The following CR1L variants were observed in gnomAD, a reference collection of about 807,000 sequenced individuals.
CR1L encodes complement C3b/C4b receptor 1 like.
In CR1L, 59 loss-of-function variants were observed where a neutral mutation model predicts 62.3. That is an observed-to-expected ratio of 0.95 (90% CI 0.77 to 1.18). CR1L has a LOEUF of 1.18. Ranked by LOEUF, CR1L falls within the 50% of genes most tolerant of loss-of-function variation. CR1L has a pLI of 0.00. For missense variants in CR1L, 700 were observed against 702.8 expected (o/e 1.00, Z 0.04); for synonymous variants, 279 against 248.7 (o/e 1.12, Z -1.15).
intron 9 of CR1L, among the ~76,000 whole-genome samples, chr1:207,705,818 T>C (rs1664257373): frequency 6.6e-6 from 1 of 151,676 alleles, no homozygotes; most frequent in African/African-American, 2.4e-5. Flanking sequence ...TCAGGAGAAA[T>C]TTTACAAAAG....
At chr1:207,702,431 C>G (rs942119808) in intron 9 of CR1L, among the ~76,000 whole-genome samples, 4 of 152,124 alleles carry the variant, frequency 2.6e-5, no homozygotes, top group African/African-American at 9.7e-5. Context: ...TAAGTGTTGA[C>G]ATGAAGGGAG....
chr1:207,661,783 C>T (rs1663428483), intron 1 of CR1L, among the ~76,000 whole-genome samples: 1 of 151,638 alleles, frequency 6.6e-6, no homozygotes, highest in South Asian at 2.1e-4. Flanking sequence ...GTGGCTGGTA[C>T]CGATTGTTCC....
Position 207,695,610 on chromosome 1 carries a change from G to A in CR1L, c.862+859G>A, listed in dbSNP as rs1664066077. 1.3e-5 allele frequency among the ~76,000 whole-genome samples: 2 copies of A among 152,196 alleles called. 1 individual carries two copies. Among genetic ancestry groups the A allele is most frequent in the South Asian group, 4.1e-4 (2 of 4,828 alleles). ...ACTTTCAAGGAGGGAGGGATTTCAT[G>A]CAGGCTGTATTAGACTCTTCTCACA... is the stretch of plus-strand genomic sequence containing the variant. On this transcript the variant is annotated intron_variant, in intron 5 of 11. Coordinates refer to ENST00000508064, the MANE Select transcript of CR1L (RefSeq NM_175710.2).
At chr1:207,650,788 A>ATT (rs59483254) in intron 1 of CR1L, among the ~76,000 whole-genome samples, 1 of 146,680 alleles carries the variant, frequency 6.8e-6, no homozygotes, top group Non-Finnish European at 1.5e-5. Context: ...TGCAGTGTAG[A>ATT]TTTTTTTTTT....
At chr1:207,666,912 C>A (rs1663532939) in intron 1 of CR1L, among the ~76,000 whole-genome samples, 1 of 152,166 alleles carries the variant, frequency 6.6e-6, no homozygotes, top group African/African-American at 2.4e-5. Context: ...ATCTTCCTTT[C>A]ATTAATTTTA....
At chr1:207,686,129 T>TTA (rs1663903128) in intron 4 of CR1L, among the ~76,000 whole-genome samples, 4 of 45,650 alleles carry the variant, frequency 8.8e-5, no homozygotes, top group Non-Finnish European at 4.2e-5. Flanking sequence ...CCTCCCTTCC[T>TTA]CCCTCCCTTC....
intron 1 of CR1L, among the ~76,000 whole-genome samples, chr1:207,660,252 T>G (rs1222379384): frequency 6.6e-6 from 1 of 152,216 alleles, no homozygotes; most frequent in African/African-American, 2.4e-5. Flanking sequence ...ATAGCCTAAC[T>G]GGGAGACACC....
At chr1:207,672,272 T>C (rs1182832338) in intron 1 of CR1L, among the ~76,000 whole-genome samples, 1 of 150,174 alleles carries the variant, frequency 6.7e-6, no homozygotes, top group Non-Finnish European at 1.5e-5. Context: ...CGAAGGAAAA[T>C]TATTAGGAAT....
chr1:207,656,258 T>G (rs750806220), intron 1 of CR1L, among the ~76,000 whole-genome samples: 6 of 151,888 alleles, frequency 4.0e-5, no homozygotes, highest in Non-Finnish European at 7.4e-5. Context: ...AATCAATCAA[T>G]CAATCAATCA....
intron 1 of CR1L, among the ~76,000 whole-genome samples, chr1:207,665,685 G>A (rs1360672682): frequency 2.0e-5 from 3 of 152,214 alleles, no homozygotes; most frequent in Non-Finnish European, 4.4e-5. Flanking sequence ...GAGCCACCAT[G>A]CCTGGCAAAG....
intron 10 of CR1L, chr1:207,710,466 T>C: frequency 6.2e-7 from 1 of 1,603,066 alleles, no homozygotes; most frequent in South Asian, 1.1e-5. Context: ...GGATCAGTGG[T>C]GACCTACCAC....
At chr1:207,714,232 A>T (rs1213163412) in intron 10 of CR1L, among the ~76,000 whole-genome samples, 1 of 152,240 alleles carries the variant, frequency 6.6e-6, no homozygotes, top group African/African-American at 2.4e-5. Context: ...TTATGGACTC[A>T]GAATTGGAAG....
At chr1:207,678,324 T>C in intron 3 of CR1L, 27 bp downstream of exon 3, 1 of 1,572,238 alleles carries the variant, frequency 6.4e-7, no homozygotes, top group Non-Finnish European at 8.8e-7. Context: ...TGAACCAACA[T>C]CTCTTGGTTC....
chr1:207,647,846 A>G (rs1032006511), intron 1 of CR1L, among the ~76,000 whole-genome samples: 30 of 152,196 alleles, frequency 2.0e-4, no homozygotes, highest in Admixed American at 1.2e-3. Flanking sequence ...TAAAACGTTC[A>G]TTTTGAAGGA....
intron 1 of CR1L, among the ~76,000 whole-genome samples, chr1:207,661,281 G>A (rs1663416541): frequency 1.3e-5 from 2 of 152,192 alleles, no homozygotes; most frequent in Admixed American, 6.5e-5. Flanking sequence ...GGGAGTCTAA[G>A]TCTCTTTGTA....
intron 5 of CR1L, among the ~76,000 whole-genome samples, chr1:207,695,115 T>G (rs1571524957): frequency 6.6e-6 from 1 of 152,092 alleles, no homozygotes; most frequent in Non-Finnish European, 1.5e-5. Flanking sequence ...GTTACCAGTT[T>G]TTCTAGGTTT....
intron 1 of CR1L, chr1:207,652,803 A>G (rs2102440035): frequency 1.6e-6 from 1 of 635,370 alleles, no homozygotes; most frequent in Non-Finnish European, 2.8e-6. Flanking sequence ...TTTAGGGTAC[A>G]TATTCCACTA....
At chr1:207,701,462 G>T (rs562435792) in intron 8 of CR1L, 57 bp from the exon 9 acceptor site, 43 of 1,599,786 alleles carry the variant, frequency 2.7e-5, no homozygotes, top group African/African-American at 4.0e-5. Flanking sequence ...GAGACCTTAC[G>T]TACTGAAGAG....
At chr1:207,710,710 G>A in intron 10 of CR1L, 1 of 1,610,014 alleles carries the variant, frequency 6.2e-7, no homozygotes, top group Middle Eastern at 2.3e-4. Flanking sequence ...GCTTTGTCAT[G>A]AAAGGACCCC....
Sources: allele counts gnomAD v4.1 joint callset (sites outside exome capture counted in the v4.1 genomes callset), GRCh38; gene constraint gnomAD v4.1.1; transcripts MANE v1.5; gene names NCBI Gene and HGNC (gene_info 2026-07-23, HGNC 2026-07-21).